Variants in SEMA3A observed in about 807,000 individuals in gnomAD.
SEMA3A encodes the protein semaphorin-3A.
Under a neutral mutation model 97.9 loss-of-function variants are expected in SEMA3A, and 29 were observed. The observed-to-expected ratio is 0.30, with a 90% confidence interval of 0.22 to 0.40. SEMA3A has a LOEUF of 0.40. Among genes scored for constraint, SEMA3A ranks in the 10% least tolerant of loss-of-function variants. SEMA3A has a pLI of 1.00. For synonymous variants in SEMA3A, 321 were observed against 323.7 expected (o/e 0.99, Z 0.09); for missense variants, 763 against 951.3 (o/e 0.80, Z 2.60).
chr7:84,137,285 T>C (rs2040873), intron 1 of SEMA3A, among the ~76,000 whole-genome samples: 44,180 of 150,786 alleles, frequency 0.29, 6,896 homozygotes, highest in African/African-American at 0.42. Flanking sequence ...CCTGTAATCC[T>C]AGCTACTCGG....
chr7:84,043,046 A>C (rs77121590), intron 6 of SEMA3A, among the ~76,000 whole-genome samples: 1,909 of 152,168 alleles, frequency 0.013, 115 homozygotes, highest in East Asian at 0.095. Flanking sequence ...ATGTAGTACA[A>C]GAAAAAAATA....
chr7:84,312,921 TAC>T (rs1323561552), intron 2 of SEMA3A, among the ~76,000 whole-genome samples: 2,109 of 32,466 alleles, frequency 0.065, 161 homozygotes, highest in East Asian at 0.25. Context: ...TATATATATA[TAC>T]ACACACACAC....
intron 3 of SEMA3A, among the ~76,000 whole-genome samples, chr7:84,235,981 C>G (rs764424307): frequency 3.3e-5 from 5 of 152,118 alleles, no homozygotes; most frequent in Non-Finnish European, 7.4e-5. Flanking sequence ...CTTCAAGTAT[C>G]AACCTCACTG....
chr7:84,055,568 C>G (rs1562738095), intron 5 of SEMA3A, among the ~76,000 whole-genome samples: 2 of 152,214 alleles, frequency 1.3e-5, no homozygotes, highest in African/African-American at 2.4e-5. Flanking sequence ...TTGGCTCGTG[C>G]ACGGTGCGCG....
intron 2 of SEMA3A, among the ~76,000 whole-genome samples, chr7:84,329,039 T>A (rs1801843474): frequency 6.6e-6 from 1 of 151,862 alleles, no homozygotes; most frequent in South Asian, 2.1e-4. Context: ...TAAACATAGG[T>A]ATACATGTGC....
At chr7:83,984,554 TAA>T (rs1475455300) in intron 13 of SEMA3A, among the ~76,000 whole-genome samples, 1 of 150,706 alleles carries the variant, frequency 6.6e-6, no homozygotes, top group African/African-American at 2.4e-5. Context: ...ATTTTGTATA[TAA>T]GTTTTTACTC....
intron 12 of SEMA3A, among the ~76,000 whole-genome samples, chr7:83,997,282 T>C (rs939879122): frequency 5.9e-5 from 9 of 152,212 alleles, no homozygotes; most frequent in Admixed American, 1.3e-4. Flanking sequence ...ACCTTTTTTA[T>C]AGTATTTTAT....
At chr7:84,490,920 G>A (rs1434319111) in intron 1 of SEMA3A, among the ~76,000 whole-genome samples, 1 of 152,056 alleles carries the variant, frequency 6.6e-6, no homozygotes, top group African/African-American at 2.4e-5. Context: ...CTCCCTGTAG[G>A]GGGTAGACAT....
intron 16 of SEMA3A, among the ~76,000 whole-genome samples, chr7:83,962,314 G>T (rs1286919960): frequency 1.3e-5 from 2 of 151,972 alleles, no homozygotes; most frequent in African/African-American, 4.8e-5. Flanking sequence ...ATTTCATTTA[G>T]TTGGTCTTGA....
rs151263962 is a variant in SEMA3A at position 84,102,824 on chromosome 7, G to A, written c.453+7646C>T. 4.9e-3 allele frequency among the ~76,000 whole-genome samples: 749 copies of A among 151,660 alleles called. 14 individuals carry two copies. The highest frequency in any genetic ancestry group is 0.017 in the African/African-American group (723 of 41,336). ...TCGAACTCCTGACCTCAAATGATCC[G>A]CCCACCTCAGCCTCCCAAAGTGCTG... On this transcript the variant is annotated intron_variant, in intron 4 of 16. Coordinates refer to ENST00000265362, the MANE Select transcript of SEMA3A (RefSeq NM_006080.3).
At chr7:83,991,667 A>C (rs1484098474) in intron 12 of SEMA3A, among the ~76,000 whole-genome samples, 1 of 151,856 alleles carries the variant, frequency 6.6e-6, no homozygotes, top group East Asian at 1.9e-4. Context: ...CCAGGGATGA[A>C]GCCCACTTGT....
At chr7:84,470,591 T>C (rs1281810347) in intron 1 of SEMA3A, among the ~76,000 whole-genome samples, 1 of 152,098 alleles carries the variant, frequency 6.6e-6, no homozygotes, top group Non-Finnish European at 1.5e-5. Context: ...AAACTGTGAC[T>C]GTCAGTTGAT....
intron 16 of SEMA3A, 23 bp downstream of exon 16, chr7:83,963,182 T>C: frequency 6.2e-7 from 1 of 1,610,108 alleles, no homozygotes; most frequent in Non-Finnish European, 8.5e-7. Context: ...ATATAAATGA[T>C]CCAGTCAGTT....
chr7:84,453,483 A>T (rs375261868), intron 1 of SEMA3A, among the ~76,000 whole-genome samples: 2 of 151,790 alleles, frequency 1.3e-5, no homozygotes, highest in African/African-American at 4.8e-5. Context: ...TGATCCGCCC[A>T]CCTCGTCCTC....
chr7:84,291,705 G>A (rs879157925), intron 3 of SEMA3A, among the ~76,000 whole-genome samples: 2 of 152,110 alleles, frequency 1.3e-5, no homozygotes, highest in Admixed American at 1.3e-4. Context: ...CTCCCCGTAA[G>A]TTGTTTAGTC....
At chr7:84,050,184 T>A (rs969310804) in intron 5 of SEMA3A, among the ~76,000 whole-genome samples, 2 of 152,106 alleles carry the variant, frequency 1.3e-5, no homozygotes, top group Non-Finnish European at 2.9e-5. Context: ...TACGTGTGCA[T>A]GTGTCTTTAT....
rs71078831 is a variant in SEMA3A at position 84,443,880 on chromosome 7, CTTTTTTTTTTTTT to C, written c.-246+48567_-246+48579del. Among the ~76,000 whole-genome samples, 51 of 92,424 alleles carry C rather than the reference CTTTTTTTTTTTTT, an allele frequency of 5.5e-4. No homozygotes were observed. In the South Asian group the frequency reaches 8.9e-3, roughly 16 times the overall value. 60.6% of individuals were successfully genotyped at this position (92,424 alleles called of 152,430 possible). On this transcript the variant is annotated intron_variant, in intron 1 of 3. Transcript: ENST00000424555. ...GTAGCCATTTTGATTGTGCTTTGTC[CTTTTTTTTTTTTT>C]TTTTTTTTTTTGAGACAGAGTCTCA...
chr7:84,343,668 G>A (rs1157556256), intron 2 of SEMA3A, among the ~76,000 whole-genome samples: 3 of 152,068 alleles, frequency 2.0e-5, no homozygotes, highest in African/African-American at 7.2e-5. Context: ...AAAATTAGCA[G>A]TATGGATGGG....
chr7:84,432,196 A>C (rs1352035697), intron 1 of SEMA3A, among the ~76,000 whole-genome samples: 2 of 152,138 alleles, frequency 1.3e-5, no homozygotes, highest in African/African-American at 4.8e-5. Flanking sequence ...AAAGCCATTG[A>C]ATGTTTTAAT....
Sources: allele counts gnomAD v4.1 joint callset (sites outside exome capture counted in the v4.1 genomes callset), GRCh38; gene constraint gnomAD v4.1.1; transcripts MANE v1.5; gene names NCBI Gene and HGNC (gene_info 2026-07-23, HGNC 2026-07-21).